The following ABLIM2 variants were observed in gnomAD, a reference collection of about 807,000 sequenced individuals.
ABLIM2 encodes actin-binding LIM protein 2.
Under a neutral mutation model 97.7 loss-of-function variants are expected in ABLIM2, and 53 were observed. The observed-to-expected ratio is 0.54, with a 90% CI of 0.44 to 0.68. The LOEUF is 0.68. ABLIM2 is among the 30% of genes least tolerant of loss of function. ABLIM2 has a pLI of 0.00. For synonymous variants in ABLIM2, 361 were observed against 345.8 expected, an observed-to-expected ratio of 1.04 and a Z score of -0.49; for missense variants, 835 against 867.2, an observed-to-expected ratio of 0.96 and a Z score of 0.47.
At chr4:8,040,666 G>A (rs1787817140) in intron 9 of ABLIM2, among the ~76,000 whole-genome samples, 1 of 152,134 alleles carries the variant, frequency 6.6e-6, no homozygotes, top group African/African-American at 2.4e-5. Flanking sequence ...GGATAAGGAG[G>A]GCTTGCCCAC....
chr4:8,151,114 C>T (rs915185813), intron 1 of ABLIM2, among the ~76,000 whole-genome samples: 5 of 152,226 alleles, frequency 3.3e-5, no homozygotes, highest in Admixed American at 1.3e-4. Context: ...TTAAACAATC[C>T]GCTTGGAGAA....
chr4:8,045,372 C>G lies in ABLIM2; in HGVS notation c.823-131G>C. 5 of 835,056 alleles carry G rather than the reference C, an allele frequency of 6.0e-6. No homozygotes were observed. In the South Asian group the frequency reaches 7.3e-5, roughly 12 times the overall value. 51.7% of individuals were successfully genotyped at this position (835,056 alleles called of 1,614,324 possible). A position where few individuals can be genotyped will look rare whatever the true frequency, so the allele number is the denominator to read the frequency against. On this transcript the variant is annotated intron_variant, in intron 8 of 20. Transcript: ENST00000447017. ...TGTTTCTTTAAAGTTGGGGCTGGGC[C>G]GGGCACGGCGGCTCACGCCTATAAT... is the stretch of plus-strand genomic sequence containing the variant.
chr4:8,056,135 A>AAAAAAAAAAAAAAAAAAAC, intron 7 of ABLIM2, among the ~76,000 whole-genome samples: 1 of 142,610 alleles, frequency 7.0e-6, no homozygotes, highest in African/African-American at 2.5e-5. Context: ...AAAAAAAAAA[A>AAAAAAAAAAAAAAAAAAAC]AAAAGTAACA....
intron 18 of ABLIM2, among the ~76,000 whole-genome samples, 195 bp from the exon 19 acceptor site, chr4:7,983,749 C>T (rs1004117812): frequency 5.3e-5 from 8 of 152,236 alleles, no homozygotes; most frequent in African/African-American, 9.6e-5. Flanking sequence ...GGGCCTCCCC[C>T]GGGAAACCAG....
intron 6 of ABLIM2, among the ~76,000 whole-genome samples, chr4:8,073,271 G>C (rs1161035338): frequency 6.6e-6 from 1 of 151,396 alleles, no homozygotes; most frequent in Non-Finnish European, 1.5e-5. Context: ...GATAGAAATG[G>C]GGTCTCATAG....
chr4:7,992,959 G>A lies in ABLIM2; in HGVS notation c.1619-32C>T, dbSNP rs572241651. 88 of 1,606,022 alleles carry A rather than the reference G, an allele frequency of 5.5e-5. 1 individual carries two copies. The East Asian group carries it at 6.5e-4, about 12-fold the overall frequency. On this transcript the variant is annotated intron_variant, in intron 16 of 20. Transcript: ENST00000447017. The surrounding 1 kb of genome is among the most constrained non-coding windows in gnomAD (Gnocchi z 5.7). ...CAGACACAGCACAGCTTTGTCACGC[G>A]CGCAGACTCGGTGCAGCAATGGGGG...
At chr4:8,048,381 G>C (rs1051349670) in intron 8 of ABLIM2, among the ~76,000 whole-genome samples, 1 of 152,192 alleles carries the variant, frequency 6.6e-6, no homozygotes, top group Non-Finnish European at 1.5e-5. Context: ...AATCCCCACC[G>C]GCTTTGCCTG....
rs74428369 is a variant in ABLIM2 at position 8,141,010 on chromosome 4, C to A, written c.10+17670G>T. Among the ~76,000 whole-genome samples, 1,002 of 152,182 alleles carry A rather than the reference C, an allele frequency of 6.6e-3. 10 individuals are homozygous for A. The highest frequency in any genetic ancestry group is 0.023 in the African/African-American group (948 of 41,524). On this transcript the variant is annotated intron_variant, in intron 1 of 20. Coordinates refer to ENST00000447017, the MANE Select transcript of ABLIM2 (RefSeq NM_001130083.2). ...GAACCTGACCTCAGGCTCAGGTGGA[C>A]CCTGCCCCTGTCTCCAGGCCCCTGA...
chr4:7,967,003 G>A lies in ABLIM2; in HGVS notation c.1925C>T (p.Ala642Val). 1 of 1,613,192 alleles carries A rather than the reference G, an allele frequency of 6.2e-7. No individual in the cohort carries two copies. Among genetic ancestry groups the A allele is most frequent in the African/African-American group, 1.3e-5 (1 of 75,036 alleles). ...GGCTGGCAGCCGTCAGAACAAAAGG[G>A]CTTTCTTCTTAAGGTCATTCCTCTT... ...LWKRNDLKKK[A>V]LLF The change falls in exon 21 of 21, where the codon GCC becomes GTC. Residue 642 changes from alanine to valine, a missense_variant. Coordinates refer to ENST00000447017, the MANE Select transcript of ABLIM2 (RefSeq NM_001130083.2).
At chr4:8,096,163 C>G (rs920105146) in intron 3 of ABLIM2, among the ~76,000 whole-genome samples, 1 of 152,210 alleles carries the variant, frequency 6.6e-6, no homozygotes, top group Admixed American at 6.5e-5. Context: ...CAGGCCTCGC[C>G]TCGCTTAACT....
Position 8,083,712 on chromosome 4 carries a change from G to T in ABLIM2, c.455-2910C>A, listed in dbSNP as rs1172373669. 6.6e-6 allele frequency among the ~76,000 whole-genome samples: 1 copy of T among 152,224 alleles called. No individual in the cohort carries two copies. The highest frequency in any genetic ancestry group is 1.9e-4 in the East Asian group (1 of 5,192). ...CAGCTCAGAGTCCTGTGTGACACAG[G>T]CTGTGGACTAGAGCTGTCAGCGGCA... On this transcript the variant is annotated intron_variant, in intron 4 of 20. Coordinates refer to ENST00000447017, the MANE Select transcript of ABLIM2 (RefSeq NM_001130083.2). The surrounding 1 kb of genome is among the most constrained non-coding windows in gnomAD (Gnocchi z 4.6).
chr4:7,968,879 G>T (rs576780046), intron 20 of ABLIM2, among the ~76,000 whole-genome samples: 1 of 152,244 alleles, frequency 6.6e-6, no homozygotes, highest in Admixed American at 6.5e-5. Flanking sequence ...GGCAGCTCAC[G>T]CCTGTAATCC....
In ABLIM2 at chr4:8,015,465, A is replaced by G. The variant is rs1293209974; in HGVS notation, c.1423+4153T>C. 6.6e-6 allele frequency among the ~76,000 whole-genome samples: 1 copy of G among 152,094 alleles called. No homozygotes were observed. Among genetic ancestry groups the G allele is most frequent in the Non-Finnish European group, 1.5e-5 (1 of 68,008 alleles). ...GTTCCTCCCCATCCCGCCGGTCCCC[A>G]AACCAAAATGAGACTCCACCCTTTG... is the stretch of plus-strand genomic sequence containing the variant. On this transcript the variant is annotated intron_variant, in intron 14 of 20. Coordinates refer to ENST00000447017, the MANE Select transcript of ABLIM2 (RefSeq NM_001130083.2). The surrounding 1 kb of genome is among the most constrained non-coding windows in gnomAD (Gnocchi z 4.6).
chr4:7,993,038 A>G lies in ABLIM2; in HGVS notation c.1619-111T>C, dbSNP rs374293632. ...GTGGGCAAGGCTGGGCAAGCAACAC[A>G]GGGGAGGCCCCCTGAGGACCATGAC... On this transcript the variant is annotated intron_variant, in intron 16 of 20. Coordinates refer to ENST00000447017, the MANE Select transcript of ABLIM2 (RefSeq NM_001130083.2). The G allele has an allele frequency of 3.4e-4, 379 of 1,113,838 alleles. 1 individual carries two copies. The African/African-American group carries it at 4.7e-3, about 14-fold the overall frequency. 69.0% of individuals were successfully genotyped at this position (1,113,838 alleles called of 1,614,324 possible). A position where few individuals can be genotyped will look rare whatever the true frequency, so the allele number is the denominator to read the frequency against.
At chr4:7,980,810 G>A (rs1737479791) in intron 20 of ABLIM2, among the ~76,000 whole-genome samples, 1 of 151,800 alleles carries the variant, frequency 6.6e-6, no homozygotes, top group South Asian at 2.1e-4. Flanking sequence ...TTCTGATCCT[G>A]AAGAGATTAG....
intron 8 of ABLIM2, among the ~76,000 whole-genome samples, chr4:8,052,464 G>T (rs1022195256): frequency 1.3e-5 from 2 of 152,256 alleles, no homozygotes; most frequent in Non-Finnish European, 2.9e-5. Context: ...CAATGTGCCA[G>T]CTAGCTGCTG....
Position 8,129,490 on chromosome 4 carries a change from A to G in ABLIM2, c.11-22853T>C, listed in dbSNP as rs539410428. Among the ~76,000 whole-genome samples the G allele has an allele frequency of 2.6e-5, 4 of 152,366 alleles. No homozygotes were observed. In the East Asian group the frequency reaches 7.7e-4, roughly 29 times the overall value. The stretch of plus-strand genomic sequence containing the variant: ...TAAACACATGTGGCCAGTAGCTACC[A>G]TATTGTTTCATGCAATAAGACTAAG... On this transcript the variant is annotated intron_variant, in intron 1 of 20. Transcript: ENST00000447017.
chr4:7,983,088 C>T (rs1378032391), intron 20 of ABLIM2, among the ~76,000 whole-genome samples, 176 bp downstream of exon 20: 1 of 152,214 alleles, frequency 6.6e-6, no homozygotes, highest in Non-Finnish European at 1.5e-5. Flanking sequence ...GGCTGGGGAA[C>T]ATCACCACAT....
intron 20 of ABLIM2, among the ~76,000 whole-genome samples, chr4:7,968,806 G>A (rs1198696132): frequency 6.6e-6 from 1 of 152,196 alleles, no homozygotes; most frequent in East Asian, 1.9e-4. Flanking sequence ...GTGGCACAAT[G>A]TTGTGAATAC....
Sources: gnomAD v4.1 joint callset for allele counts (sites outside exome capture counted in the v4.1 genomes callset) on GRCh38, gnomAD v4.1.1 for gene constraint, Gnocchi (gnomAD v3.1) non-coding constraint, MANE v1.5 for transcripts, NCBI Gene and HGNC (gene_info 2026-07-23, HGNC 2026-07-21) for gene names.